MAML2: variants seen among roughly 807,000 people sequenced by gnomAD.
MAML2 encodes the protein mastermind like transcriptional coactivator 2.
In MAML2, 22 loss-of-function variants were observed where a neutral mutation model predicts 96.1. The observed-to-expected ratio is 0.23, with a 90% CI of 0.16 to 0.33. The LOEUF (loss-of-function observed/expected upper bound fraction) is 0.33. Among genes scored for constraint, MAML2 ranks in the 10% least tolerant of loss-of-function variants. MAML2 has a pLI of 1.00. For synonymous variants in MAML2, 561 were observed against 521.3 expected, an observed-to-expected ratio of 1.08 and a Z score of -1.04; for missense variants, 1,367 against 1,392.4, an observed-to-expected ratio of 0.98 and a Z score of 0.29.
At chr11:96,041,289 A>C (rs2135756302) in intron 2 of MAML2, among the ~76,000 whole-genome samples, 1 of 151,708 alleles carries the variant, frequency 6.6e-6, no homozygotes, top group South Asian at 2.1e-4. Context: ...TCAGGAGTTC[A>C]AGACCAGCCT....
chr11:96,101,659 G>T (rs976682691), intron 1 of MAML2, among the ~76,000 whole-genome samples: 3 of 152,196 alleles, frequency 2.0e-5, no homozygotes, highest in African/African-American at 7.2e-5. Flanking sequence ...TAAAGCACCA[G>T]CATTATTCCA....
At chr11:96,077,751 G>C (rs1859466102) in intron 2 of MAML2, among the ~76,000 whole-genome samples, 1 of 152,192 alleles carries the variant, frequency 6.6e-6, no homozygotes. Flanking sequence ...GGATGGGGAA[G>C]ACTCTGGGTG....
At chr11:96,277,346 G>A (rs539249072) in intron 1 of MAML2, among the ~76,000 whole-genome samples, 2 of 152,138 alleles carry the variant, frequency 1.3e-5, no homozygotes, top group East Asian at 1.9e-4. Context: ...CTGTCACCTC[G>A]AGTATTTACC....
At position 95,977,057 on chromosome 11, in the gene MAML2, T is replaced by C. The variant is rs550443251; in HGVS notation, c.*1891A>G. ...CTTATTGAGGTTTCAGAATATAAATTTGTCTAACAAGCCTCTTGATAGTTT... is the reference window on the plus strand; with the variant it reads ...CTTATTGAGGTTTCAGAATATAAATCTGTCTAACAAGCCTCTTGATAGTTT... On this transcript the variant is annotated 3_prime_UTR_variant, in exon 5 of 5. Coordinates refer to ENST00000524717, the MANE Select transcript of MAML2 (RefSeq NM_032427.4). 5.0e-6 allele frequency: 1 copy of C among 201,368 alleles called. No individual in the cohort carries two copies. Among genetic ancestry groups the C allele is most frequent in the Non-Finnish European group, 1.0e-5 (1 of 97,834 alleles). The allele number at this position is 201,368 out of a possible 1,614,324, so 12.5% of individuals were successfully genotyped here.
At chr11:96,283,503 T>C (rs1863098756) in intron 1 of MAML2, among the ~76,000 whole-genome samples, 1 of 152,158 alleles carries the variant, frequency 6.6e-6, no homozygotes, top group East Asian at 1.9e-4. Flanking sequence ...AAAGTGAAAA[T>C]AAACACTAAT....
At chr11:96,006,469 T>C (rs1473883486) in intron 2 of MAML2, among the ~76,000 whole-genome samples, 1 of 152,110 alleles carries the variant, frequency 6.6e-6, no homozygotes, top group African/African-American at 2.4e-5. Flanking sequence ...TACTGCCAGA[T>C]CTGATGCTAC....
chr11:96,226,031 T>C (rs1304549842), intron 1 of MAML2, among the ~76,000 whole-genome samples: 1 of 152,190 alleles, frequency 6.6e-6, no homozygotes, highest in Non-Finnish European at 1.5e-5. Flanking sequence ...ATTTAGCAAA[T>C]ACTTATTGTC....
rs1003143341 is a variant in MAML2, at chr11:96,093,057, T to A, written c.974A>T (p.Glu325Val). 1 of 1,614,050 alleles carries A rather than the reference T, an allele frequency of 6.2e-7. No individual in the cohort carries two copies. The highest frequency in any genetic ancestry group is 1.7e-5 in the Admixed American group (1 of 60,030). Residue 325 changes from glutamate (E) to valine (V), a missense_variant, in exon 2 of 5, where the codon GAA becomes GTA. By Grantham distance (121) the Glu-to-Val change is moderately radical (BLOSUM62 -2). Transcript: ENST00000524717. ...GGTGGCATTGATCATGTTCTCCAGT[T>A]CAAGGTCACTCATGGGAGGCACAGA... Reference protein sequence around the residue: ...NISVPPMSDLELENMINATIK... With the variant: ...NISVPPMSDLVLENMINATIK...
chr11:96,085,768 C>T (rs955565089), intron 2 of MAML2, among the ~76,000 whole-genome samples: 4 of 152,032 alleles, frequency 2.6e-5, no homozygotes, highest in Non-Finnish European at 5.9e-5. Context: ...ATTCCCCTAA[C>T]TGTGGAGTTG....
At chr11:96,291,039 GTAAA>G (rs1270869412) in intron 1 of MAML2, among the ~76,000 whole-genome samples, 3 of 149,054 alleles carry the variant, frequency 2.0e-5, no homozygotes, top group Non-Finnish European at 4.5e-5. Flanking sequence ...AAAAAAGTTG[GTAAA>G]TAAAGACTTG....
At chr11:96,241,623 C>CT (rs1862438870) in intron 1 of MAML2, among the ~76,000 whole-genome samples, 1 of 152,224 alleles carries the variant, frequency 6.6e-6, no homozygotes, top group African/African-American at 2.4e-5. Context: ...ATTGGCTTCT[C>CT]TGTCAACATA....
At chr11:96,280,723 G>C (rs1335894237) in intron 1 of MAML2, among the ~76,000 whole-genome samples, 1 of 152,178 alleles carries the variant, frequency 6.6e-6, no homozygotes, top group South Asian at 2.1e-4. Context: ...TTTGCAACAT[G>C]AACTGGAACA....
chr11:96,155,991 T>A (rs1168860360), intron 1 of MAML2, among the ~76,000 whole-genome samples: 1 of 152,060 alleles, frequency 6.6e-6, no homozygotes, highest in Non-Finnish European at 1.5e-5. Context: ...CTTCACTACG[T>A]AAAACCCACA....
chr11:96,190,487 C>T (rs1404167001), intron 1 of MAML2, among the ~76,000 whole-genome samples: 2 of 152,188 alleles, frequency 1.3e-5, no homozygotes, highest in Non-Finnish European at 2.9e-5. Context: ...TGACAAACCA[C>T]AGGTCACTTA....
intron 1 of MAML2, among the ~76,000 whole-genome samples, chr11:96,172,699 A>G (rs1861316066): frequency 6.6e-6 from 1 of 152,242 alleles, no homozygotes; most frequent in Non-Finnish European, 1.5e-5. Flanking sequence ...ATCCCAGAGA[A>G]TGTGAGTTTA....
chr11:96,317,732 A>G (rs1421251249), intron 1 of MAML2, among the ~76,000 whole-genome samples: 1 of 152,198 alleles, frequency 6.6e-6, no homozygotes, highest in African/African-American at 2.4e-5. Flanking sequence ...CTGGGCTAAG[A>G]AAAATCAGCT....
chr11:96,200,098 AG>A (rs1207567216), intron 1 of MAML2, among the ~76,000 whole-genome samples: 5 of 152,238 alleles, frequency 3.3e-5, no homozygotes, highest in Admixed American at 6.5e-5. Flanking sequence ...TTAGTATCAG[AG>A]GAATTTAGTT....
intron 1 of MAML2, among the ~76,000 whole-genome samples, chr11:96,104,084 C>T (rs1859980980): frequency 1.3e-5 from 2 of 152,130 alleles, no homozygotes; most frequent in South Asian, 4.1e-4. Context: ...AGTACATGTT[C>T]ATGTTTGTTT....
intron 1 of MAML2, among the ~76,000 whole-genome samples, chr11:96,133,648 G>C (rs111330335): frequency 0.044 from 6,719 of 152,166 alleles, 531 homozygotes; most frequent in African/African-American, 0.15. Context: ...TTCAGATGAG[G>C]AGTATGAGAA....
Sources: gnomAD v4.1 joint callset for allele counts (sites outside exome capture counted in the v4.1 genomes callset) on GRCh38, gnomAD v4.1.1 for gene constraint, MANE v1.5 for transcripts, NCBI Gene and HGNC (gene_info 2026-07-23, HGNC 2026-07-21) for gene names.